Variants in SMAD9 observed in about 807,000 individuals in gnomAD.
The protein encoded by SMAD9 is MAD homolog 9.
A neutral mutation model predicts 46.1 loss-of-function variants in SMAD9; 36 were observed. The observed-to-expected ratio is 0.78, with a 90% CI of 0.60 to 1.03. The LOEUF (loss-of-function observed/expected upper bound fraction) is 1.03, where lower values mean the gene tolerates loss of function less well. SMAD9 is among the 50% of genes least tolerant of loss of function. The pLI, the probability that SMAD9 is intolerant of heterozygous loss-of-function variation, is 0.00. For missense variants in SMAD9, 572 were observed against 599.8 expected, an observed-to-expected ratio of 0.95 and a Z score of 0.48; for synonymous variants, 245 against 237.1, an observed-to-expected ratio of 1.03 and a Z score of -0.31.
intron 1 of SMAD9, among the ~76,000 whole-genome samples, chr13:36,885,532 G>C (rs146370055): frequency 1.3e-5 from 2 of 152,240 alleles, no homozygotes; most frequent in East Asian, 1.9e-4. Flanking sequence ...GTACCATGCA[G>C]TTGGATACAC....
intron 1 of SMAD9, among the ~76,000 whole-genome samples, chr13:36,887,762 T>C (rs948866213): frequency 1.2e-4 from 19 of 152,096 alleles, no homozygotes; most frequent in Non-Finnish European, 2.4e-4. Flanking sequence ...TGGCAAAAGA[T>C]AGAAGTGGGA....
chr13:36,907,281 T>C (rs2058627132), intron 1 of SMAD9, among the ~76,000 whole-genome samples: 1 of 148,974 alleles, frequency 6.7e-6, no homozygotes, highest in Non-Finnish European at 1.5e-5. Context: ...AGAGTTTCAG[T>C]TTGGGAAGAT....
At chr13:36,879,156 C>CCTCTCCTCT in intron 2 of SMAD9, 122 bp downstream of exon 2, 2 of 870,074 alleles carry the variant, frequency 2.3e-6, no homozygotes, top group South Asian at 3.0e-5. Flanking sequence ...ACCTCCCTCT[C>CCTCTCCTCT]CTCTCTTCTC....
At chr13:36,906,509 A>G (rs913674279) in intron 1 of SMAD9, among the ~76,000 whole-genome samples, 10 of 152,180 alleles carry the variant, frequency 6.6e-5, no homozygotes, top group Non-Finnish European at 1.0e-4. Flanking sequence ...AAAAAGAAAA[A>G]AGTTAACAGA....
intron 1 of SMAD9, among the ~76,000 whole-genome samples, chr13:36,894,929 T>C (rs1348479918): frequency 6.6e-6 from 1 of 152,132 alleles, no homozygotes; most frequent in Non-Finnish European, 1.5e-5. Context: ...TATGACAAAT[T>C]CCCTTATGTC....
intron 3 of SMAD9, among the ~76,000 whole-genome samples, chr13:36,870,664 A>ACCC (rs1263285075): frequency 2.4e-4 from 37 of 152,106 alleles, no homozygotes; most frequent in African/African-American, 7.5e-4. Context: ...CCCAGTGGCT[A>ACCC]CCTGAAGTTG....
chr13:36,879,652 AAGG>A lies in SMAD9; in HGVS notation c.35_37del (p.Ser12del), dbSNP rs749803590. 104 of 1,614,158 alleles carry A rather than the reference AAGG, an allele frequency of 6.4e-5. No homozygotes were observed. In the East Asian group the frequency reaches 1.9e-3, roughly 30 times the overall value. The stretch of plus-strand genomic sequence containing the variant: ...CAGTCTCTTCACTGCGGGGCTGGTG[AAGG>A]AGAAGAGGGAGCTGATGGGGGTGGT... On this transcript the variant is annotated inframe_deletion, in exon 2 of 7. Transcript: ENST00000379826.
At chr13:36,876,376 T>C (rs1283833169) in intron 2 of SMAD9, among the ~76,000 whole-genome samples, 2 of 152,198 alleles carry the variant, frequency 1.3e-5, no homozygotes, top group African/African-American at 4.8e-5. Context: ...ACAACAGTCT[T>C]GCATGGCTTC....
intron 5 of SMAD9, among the ~76,000 whole-genome samples, chr13:36,864,441 C>T (rs938488450): frequency 2.6e-5 from 4 of 152,172 alleles, no homozygotes; most frequent in South Asian, 2.1e-4. Flanking sequence ...TAACCAGGCC[C>T]GACCCTGCTT....
At chr13:36,861,189 A>G (rs185342511) in intron 5 of SMAD9, among the ~76,000 whole-genome samples, 1 of 152,362 alleles carries the variant, frequency 6.6e-6, no homozygotes, top group African/African-American at 2.4e-5. Context: ...GGGTGGCAAC[A>G]TGACCTTCCT....
chr13:36,883,428 T>G (rs1399914557), intron 1 of SMAD9, among the ~76,000 whole-genome samples: 1 of 152,168 alleles, frequency 6.6e-6, no homozygotes, highest in African/African-American at 2.4e-5. Flanking sequence ...GGGCTGCACT[T>G]AAAAGGATTT....
rs530924097 is a variant in SMAD9 at position 36,845,220 on chromosome 13, T to C, written c.*3456A>G. The C allele has an allele frequency of 4.6e-5, 7 of 152,266 alleles. No homozygotes were observed. The South Asian group carries it at 1.5e-3, about 32-fold the overall frequency. The allele number at this position is 152,266 out of a possible 1,614,324, so 9.4% of individuals were successfully genotyped here. The stretch of plus-strand genomic sequence containing the variant: ...ATGAAATGTTTTTGTTGCTGTTTTG[T>C]TGCTGTTATGGGAACATCCATATCC... On this transcript the variant is annotated 3_prime_UTR_variant, in exon 7 of 7. Coordinates refer to ENST00000379826, the MANE Select transcript of SMAD9 (RefSeq NM_001127217.3).
intron 5 of SMAD9, among the ~76,000 whole-genome samples, chr13:36,853,985 C>T (rs533232659): frequency 6.6e-6 from 1 of 151,988 alleles, no homozygotes; most frequent in Non-Finnish European, 1.5e-5. Context: ...ACAGTGAAAC[C>T]CCTTCTCTAC....
chr13:36,854,936 T>G (rs1439269204), intron 5 of SMAD9, among the ~76,000 whole-genome samples: 1 of 152,146 alleles, frequency 6.6e-6, no homozygotes, highest in African/African-American at 2.4e-5. Context: ...TAAAAACTCA[T>G]AAGCAAAATA....
chr13:36,901,939 C>T (rs1400792629), intron 1 of SMAD9, among the ~76,000 whole-genome samples: 2 of 152,086 alleles, frequency 1.3e-5, no homozygotes, highest in Non-Finnish European at 2.9e-5. Context: ...ATATTCTTTC[C>T]TTTTCTGTAT....
chr13:36,892,736 A>G (rs1360539643), intron 1 of SMAD9, among the ~76,000 whole-genome samples: 1 of 152,162 alleles, frequency 6.6e-6, no homozygotes, highest in Non-Finnish European at 1.5e-5. Flanking sequence ...CAAAGCCACA[A>G]CTGAGATAGA....
rs1316679831 is a variant in SMAD9, at chr13:36,846,609, T to C, written c.*2067A>G. 6.6e-6 allele frequency: 1 copy of C among 151,770 alleles called. No individual in the cohort carries two copies. The highest frequency in any genetic ancestry group is 1.5e-5 in the Non-Finnish European group (1 of 67,962). 9.4% of individuals were successfully genotyped at this position (151,770 alleles called of 1,614,324 possible). On this transcript the variant is annotated 3_prime_UTR_variant, in exon 7 of 7. Coordinates refer to ENST00000379826, the MANE Select transcript of SMAD9 (RefSeq NM_001127217.3). The stretch of plus-strand genomic sequence containing the variant: ...CCATGGAATGGTTCCCATACAAGAT[T>C]CACCATATTAATGCCTTTTCTAAGA...
chr13:36,845,278 C>T lies in SMAD9; in HGVS notation c.*3398G>A, dbSNP rs1233352250. Reference sequence around the variant, plus strand: ...ACAATAAAAAAGAGGATTCTAAATGCTAGATGGTTGGCTAACTTCTCCTGA... The same window carrying T: ...ACAATAAAAAAGAGGATTCTAAATGTTAGATGGTTGGCTAACTTCTCCTGA... On this transcript the variant is annotated 3_prime_UTR_variant, in exon 7 of 7. Coordinates refer to ENST00000379826, the MANE Select transcript of SMAD9 (RefSeq NM_001127217.3). The T allele has an allele frequency of 7.9e-5, 12 of 152,156 alleles. No homozygotes were observed. Among genetic ancestry groups the T allele is most frequent in the East Asian group, 1.9e-4 (1 of 5,174 alleles). 9.4% of individuals were successfully genotyped at this position (152,156 alleles called of 1,614,324 possible). A position where few individuals can be genotyped will look rare whatever the true frequency, so the allele number is the denominator to read the frequency against.
chr13:36,858,004 C>T (rs1410519384), intron 5 of SMAD9, among the ~76,000 whole-genome samples: 1 of 151,732 alleles, frequency 6.6e-6, no homozygotes, highest in African/African-American at 2.4e-5. Flanking sequence ...ATATAAACTC[C>T]AATAGATGGG....
Sources: gnomAD v4.1 joint callset for allele counts (sites outside exome capture counted in the v4.1 genomes callset) on GRCh38, gnomAD v4.1.1 for gene constraint, MANE v1.5 for transcripts, NCBI Gene and HGNC (gene_info 2026-07-23, HGNC 2026-07-21) for gene names.